The following AGAP1 variants were observed in gnomAD, a reference collection of about 807,000 sequenced individuals.
The protein encoded by AGAP1 is ArfGAP with GTPase domain, ankyrin repeat and PH domain 1.
AGAP1 carries 29 observed loss-of-function variants against 105.3 expected under a neutral mutation model. The observed-to-expected ratio is 0.28, with a 90% CI of 0.21 to 0.38. AGAP1 has a LOEUF of 0.38. AGAP1 is among the 10% of genes least tolerant of loss of function. AGAP1 has a pLI of 1.00. For missense variants in AGAP1, 998 were observed against 1,165.1 expected, an observed-to-expected ratio of 0.86 and a Z score of 2.09; for synonymous variants, 509 against 485.9, an observed-to-expected ratio of 1.05 and a Z score of -0.63.
In AGAP1 at chr2:235,494,614, G is replaced by GGCGGCCC. The variant is rs1385612991; in HGVS notation, c.-68_-62dup. On this transcript the variant is annotated 5_prime_UTR_variant, in exon 1 of 18. Coordinates refer to ENST00000304032, the MANE Select transcript of AGAP1 (RefSeq NM_001037131.3). ...CCGGGGGCTGCGGCGCCCCGGGCTC[G>GGCGGCCC]GCGGCCCGCGGGCCCCGGGGCGCGG... The GGCGGCCC allele has an allele frequency of 1.2e-6, 1 of 848,616 alleles. No homozygotes were observed. The highest frequency in any genetic ancestry group is 1.9e-5 in the African/African-American group (1 of 52,798). 52.6% of individuals were successfully genotyped at this position (848,616 alleles called of 1,614,324 possible).
intron 15 of AGAP1, among the ~76,000 whole-genome samples, chr2:236,047,134 T>G (rs1292155071): frequency 2.6e-5 from 4 of 151,992 alleles, no homozygotes; most frequent in African/African-American, 9.6e-5. Context: ...CTCAGTGTTG[T>G]GAGGAGGGGT....
chr2:235,857,294 G>T (rs1479138098), intron 9 of AGAP1, among the ~76,000 whole-genome samples: 1 of 152,182 alleles, frequency 6.6e-6, no homozygotes, highest in Non-Finnish European at 1.5e-5. Flanking sequence ...AGAATCTAGT[G>T]CCCGATGATC....
In AGAP1 at chr2:235,989,236, C is replaced by G. The variant is rs1037862992; in HGVS notation, c.1645+20613C>G. 6.6e-6 allele frequency among the ~76,000 whole-genome samples: 1 copy of G among 152,192 alleles called. No individual in the cohort carries two copies. Among genetic ancestry groups the G allele is most frequent in the African/African-American group, 2.4e-5 (1 of 41,454 alleles). ...AGATATTTTTCGTTCAAGCTGCTGA[C>G]AGGTATTTATTGACCAGGTACTGTG... On this transcript the variant is annotated intron_variant, in intron 13 of 17. Transcript: ENST00000304032. This position sits in a 1 kb window ranked among gnomAD's most constrained non-coding sequence, Gnocchi z 4.4.
rs2051236446 is a variant in AGAP1 at position 235,904,985 on chromosome 2, T to A, written c.1156-3753T>A. 6.6e-6 allele frequency among the ~76,000 whole-genome samples: 1 copy of A among 152,146 alleles called. No individual in the cohort carries two copies. Among genetic ancestry groups the A allele is most frequent in the African/African-American group, 2.4e-5 (1 of 41,442 alleles). On this transcript the variant is annotated intron_variant, in intron 10 of 17. Transcript: ENST00000304032. The surrounding 1 kb of genome is among the most constrained non-coding windows in gnomAD (Gnocchi z 4.2). ...ACCGATTTTATTTATTTTTTTTTTT[T>A]AGAGCTAGTTCTTCTGAGGTTGTAA...
chr2:235,553,901 C>T lies in AGAP1; in HGVS notation c.163+59052C>T, dbSNP rs537359505. The stretch of plus-strand genomic sequence containing the variant: ...GGATCCCGAAGCACGGTTGCCTCCG[C>T]CTCCCACCCCACCCCGTGGTGCGGC... On this transcript the variant is annotated intron_variant, in intron 1 of 17. Coordinates refer to ENST00000304032, the MANE Select transcript of AGAP1 (RefSeq NM_001037131.3). This position sits in a 1 kb window ranked among gnomAD's most constrained non-coding sequence, Gnocchi z 4.5. Among the ~76,000 whole-genome samples the T allele has an allele frequency of 2.3e-4, 35 of 152,240 alleles. No individual in the cohort carries two copies. The highest frequency in any genetic ancestry group is 3.8e-4 in the Non-Finnish European group (26 of 68,050).
chr2:235,770,530 T>G (rs569224916), intron 6 of AGAP1, among the ~76,000 whole-genome samples: 2 of 152,250 alleles, frequency 1.3e-5, no homozygotes, highest in East Asian at 3.9e-4. Flanking sequence ...TAGGTTCAAG[T>G]GATTCTCAAG....
rs921508324 is a variant in AGAP1, at chr2:235,967,361, T to G, written c.1484-1101T>G. Among the ~76,000 whole-genome samples, 4 of 152,328 alleles carry G rather than the reference T, an allele frequency of 2.6e-5. No homozygotes were observed. The East Asian group carries it at 7.7e-4, about 29-fold the overall frequency. On this transcript the variant is annotated intron_variant, in intron 12 of 17. Transcript: ENST00000304032. The surrounding 1 kb of genome is among the most constrained non-coding windows in gnomAD (Gnocchi z 4.7). ...CCGCCTCTCCCCAGCCTCCCAGCCT[T>G]GATGCCCCGCGTTCCTATTCGGTCT... is the stretch of plus-strand genomic sequence containing the variant.
At chr2:235,779,859 G>A (rs540928693) in intron 6 of AGAP1, among the ~76,000 whole-genome samples, 24 of 152,222 alleles carry the variant, frequency 1.6e-4, no homozygotes, top group Admixed American at 3.3e-4. Flanking sequence ...GCCTAAAGCC[G>A]GGACCCCTGG....
At position 235,970,574 on chromosome 2, in the gene AGAP1, T is replaced by C. The variant is rs1451740844; in HGVS notation, c.1645+1951T>C. Among the ~76,000 whole-genome samples, 1 of 152,218 alleles carries C rather than the reference T, an allele frequency of 6.6e-6. No homozygotes were observed. Among genetic ancestry groups the C allele is most frequent in the Non-Finnish European group, 1.5e-5 (1 of 68,042 alleles). Reference sequence around the variant, plus strand: ...CTCACTTTCACAGGCACGCGTCTTCTTGCATTTGTTGTGTGTTTCCAACCG... The same window carrying C: ...CTCACTTTCACAGGCACGCGTCTTCCTGCATTTGTTGTGTGTTTCCAACCG... On this transcript the variant is annotated intron_variant, in intron 13 of 17. Transcript: ENST00000304032. This position sits in a 1 kb window ranked among gnomAD's most constrained non-coding sequence, Gnocchi z 5.4.
rs1182033684 is a variant in AGAP1, at chr2:235,535,045, C to T, written c.163+40196C>T. Reference sequence around the variant, plus strand: ...CCTCTCACCTATTCCCAGATACTCGCTGGAGTTGGAGCACACATGTCTGCA... The same window carrying T: ...CCTCTCACCTATTCCCAGATACTCGTTGGAGTTGGAGCACACATGTCTGCA... On this transcript the variant is annotated intron_variant, in intron 1 of 17. Transcript: ENST00000304032. The surrounding 1 kb of genome is among the most constrained non-coding windows in gnomAD (Gnocchi z 5.1). 6.6e-6 allele frequency among the ~76,000 whole-genome samples: 1 copy of T among 152,260 alleles called. No individual in the cohort carries two copies. The highest frequency in any genetic ancestry group is 1.9e-4 in the East Asian group (1 of 5,180).
At chr2:235,713,540 A>G (rs1950952851) in intron 2 of AGAP1, among the ~76,000 whole-genome samples, 1 of 152,240 alleles carries the variant, frequency 6.6e-6, no homozygotes, top group East Asian at 1.9e-4. Context: ...AACAAGGCAA[A>G]TGAGACAAGG....
At chr2:235,679,354 G>C (rs1375062680) in intron 1 of AGAP1, among the ~76,000 whole-genome samples, 1 of 152,144 alleles carries the variant, frequency 6.6e-6, no homozygotes, top group African/African-American at 2.4e-5. Context: ...TGCATTTATA[G>C]TTACTATGAG....
chr2:235,645,205 G>C (rs574576794), intron 1 of AGAP1, among the ~76,000 whole-genome samples: 11 of 152,234 alleles, frequency 7.2e-5, no homozygotes, highest in Non-Finnish European at 1.6e-4. Context: ...CAAGGTGTAA[G>C]AGTTCTAATC....
In AGAP1 at chr2:235,551,344, A is replaced by C. The variant is rs1943802197; in HGVS notation, c.163+56495A>C. Among the ~76,000 whole-genome samples, 1 of 151,716 alleles carries C rather than the reference A, an allele frequency of 6.6e-6. No individual in the cohort carries two copies. The highest frequency in any genetic ancestry group is 1.5e-5 in the Non-Finnish European group (1 of 67,918). On this transcript the variant is annotated intron_variant, in intron 1 of 17. Transcript: ENST00000304032. This position sits in a 1 kb window ranked among gnomAD's most constrained non-coding sequence, Gnocchi z 4.8. ...TTTTGAGACAAGGTCTCACTCTGTC[A>C]CTCAGGTTGGAGTGCAGTGGCTTGA...
In AGAP1 at chr2:236,079,778, A is replaced by G. The variant is rs187791226; in HGVS notation, c.2114+30497A>G. Among the ~76,000 whole-genome samples, 863 of 152,186 alleles carry G rather than the reference A, an allele frequency of 5.7e-3. 7 individuals are homozygous for G. The highest frequency in any genetic ancestry group is 0.02 in the African/African-American group (815 of 41,518). ...ACAGACGGAGGGAACCCCCATGCAA[A>G]GGTATAAAAGAGGACCCCCCAATAT... On this transcript the variant is annotated intron_variant, in intron 16 of 17. Coordinates refer to ENST00000304032, the MANE Select transcript of AGAP1 (RefSeq NM_001037131.3).
chr2:235,986,097 A>G lies in AGAP1; in HGVS notation c.1645+17474A>G, dbSNP rs149401318. 4.2e-3 allele frequency among the ~76,000 whole-genome samples: 635 copies of G among 152,272 alleles called. 9 individuals carry two copies. Among genetic ancestry groups the G allele is most frequent in the East Asian group, 0.037 (192 of 5,176 alleles). On this transcript the variant is annotated intron_variant, in intron 13 of 17. Transcript: ENST00000304032. ...TTCATGATATTGATTCTTCCTATCC[A>G]TGAGGATGGAGTTTTTTTCCATATT...
chr2:236,084,833 G>A (rs1362828711), intron 16 of AGAP1, among the ~76,000 whole-genome samples: 2 of 151,828 alleles, frequency 1.3e-5, no homozygotes, highest in Non-Finnish European at 2.9e-5. Flanking sequence ...GAACCCGGGA[G>A]GCAGAGGTTG....
chr2:235,750,411 C>A lies in AGAP1; in HGVS notation c.596C>A (p.Ser199Tyr). Residue 199 changes from serine to tyrosine, a missense_variant, in exon 6 of 18, where the codon TCC becomes TAC. Physicochemically the swap from Ser to Tyr is moderately radical, Grantham distance 144 (BLOSUM62 -2). Around this residue, in one of 3 missense-constraint regions of AGAP1, gnomAD observed 735 missense variants for 833.4 expected, o/e 0.88. Coordinates refer to ENST00000304032, the MANE Select transcript of AGAP1 (RefSeq NM_001037131.3). This position sits in a 1 kb window ranked among gnomAD's most constrained non-coding sequence, Gnocchi z 5.3. ...VIDDARARKL[S>Y]NDLKRCTYYE... ...GATGACGCCAGGGCGAGGAAGCTCT[C>A]CAACGACCTGAAACGGTGCACGTAC... 6.2e-7 allele frequency: 1 copy of A among 1,614,176 alleles called. No homozygotes were observed. Among genetic ancestry groups the A allele is most frequent in the Non-Finnish European group, 8.5e-7 (1 of 1,180,032 alleles).
rs1244207871 is a variant in AGAP1 at position 235,659,689 on chromosome 2, C to G, written c.164-49490C>G. Reference sequence around the variant, plus strand: ...CTCTGGGGATGGGTTCAATTATTATCCTCTCTGTAAACAGTTCTCAGTTAT... The same window carrying G: ...CTCTGGGGATGGGTTCAATTATTATGCTCTCTGTAAACAGTTCTCAGTTAT... On this transcript the variant is annotated intron_variant, in intron 1 of 17. Transcript: ENST00000304032. The surrounding 1 kb of genome is among the most constrained non-coding windows in gnomAD (Gnocchi z 5.0). Among the ~76,000 whole-genome samples the G allele has an allele frequency of 2.6e-5, 4 of 151,586 alleles. No individual in the cohort carries two copies. The highest frequency in any genetic ancestry group is 4.4e-5 in the Non-Finnish European group (3 of 68,040).
Sources: allele counts gnomAD v4.1 joint callset (sites outside exome capture counted in the v4.1 genomes callset), GRCh38; gene constraint gnomAD v4.1.1; regional missense constraint gnomAD v4.1.1; non-coding constraint Gnocchi (gnomAD v3.1); transcripts MANE v1.5; gene names NCBI Gene and HGNC (gene_info 2026-07-23, HGNC 2026-07-21).